The following SRBD1 variants were observed in gnomAD, a reference collection of about 807,000 sequenced individuals.
The protein encoded by SRBD1 is S1 RNA binding domain 1, also known as S1 RNA-binding domain-containing protein 1.
Under a neutral mutation model 115.3 loss-of-function variants are expected in SRBD1, and 88 were observed. That is an observed-to-expected ratio of 0.76 (90% CI 0.64 to 0.91). The LOEUF is 0.91. Ranked by LOEUF, SRBD1 falls within the 40% of genes least tolerant of loss-of-function variation. SRBD1 has a pLI of 0.00. For synonymous variants in SRBD1, 509 were observed against 407.7 expected, an observed-to-expected ratio of 1.25 and a Z score of -2.99; for missense variants, 1,385 against 1,177.4, an observed-to-expected ratio of 1.18 and a Z score of -2.58.
In SRBD1 at chr2:45,540,953, A is replaced by G. The variant is rs1309253651; in HGVS notation, c.1874+5779T>C. Among the ~76,000 whole-genome samples the G allele has an allele frequency of 3.3e-5, 5 of 152,228 alleles. No individual in the cohort carries two copies. In the East Asian group the frequency reaches 9.6e-4, roughly 29 times the overall value. On this transcript the variant is annotated intron_variant, in intron 14 of 20. Transcript: ENST00000263736. The stretch of plus-strand genomic sequence containing the variant: ...CTTAGGGTGTCACTTTTCCAGCCAG[A>G]CACCTCTGTGGCCAGTGGTGCCTTT...
intron 14 of SRBD1, among the ~76,000 whole-genome samples, chr2:45,516,006 T>C (rs1052583258): frequency 5.9e-5 from 9 of 152,294 alleles, no homozygotes; most frequent in Admixed American, 3.9e-4. Flanking sequence ...GTGTTACCTA[T>C]GTTTTTCTTC....
At position 45,605,408 on chromosome 2, in the gene SRBD1, C is replaced by G; in HGVS notation, c.34G>C (p.Val12Leu). 2.5e-6 allele frequency: 4 copies of G among 1,613,774 alleles called. No individual in the cohort carries two copies. The highest frequency in any genetic ancestry group is 3.4e-6 in the Non-Finnish European group (4 of 1,179,976). ...SSLPRRAKVQ[V>L]QDVVLKDEFS... The stretch of plus-strand genomic sequence containing the variant: ...TCATCTTTCAGTACCACATCCTGGA[C>G]CTGTACTTTCGCTCTTCTTGGCAAT... Residue 12 changes from valine to leucine, a missense_variant, in exon 2 of 21, where the codon GTC (valine) becomes CTC (leucine). Physicochemically the swap from Val to Leu is conservative, Grantham distance 32. Transcript: ENST00000263736.
chr2:45,439,266 T>C (rs1668589253), intron 16 of SRBD1, among the ~76,000 whole-genome samples: 1 of 151,780 alleles, frequency 6.6e-6, no homozygotes, highest in Admixed American at 6.6e-5. Flanking sequence ...AGCTGGAAAA[T>C]ATATGGGTAA....
At chr2:45,516,457 T>C (rs145787798) in intron 14 of SRBD1, among the ~76,000 whole-genome samples, 116 of 152,288 alleles carry the variant, frequency 7.6e-4, no homozygotes, top group Middle Eastern at 3.4e-3. Context: ...TACTTGTCTG[T>C]AACACATTAA....
intron 12 of SRBD1, among the ~76,000 whole-genome samples, chr2:45,550,867 A>C (rs1379701457): frequency 5.3e-5 from 8 of 152,234 alleles, no homozygotes; most frequent in South Asian, 2.1e-4. Flanking sequence ...ATAGAGTTCA[A>C]GTCCGAGCCT....
intron 16 of SRBD1, among the ~76,000 whole-genome samples, chr2:45,473,306 A>C (rs1230044824): frequency 6.6e-6 from 1 of 152,038 alleles, no homozygotes; most frequent in East Asian, 1.9e-4. Flanking sequence ...ACTTTTTATC[A>C]TTTCTTTTTC....
chr2:45,428,940 C>T (rs1001435446), intron 16 of SRBD1, among the ~76,000 whole-genome samples: 10 of 152,142 alleles, frequency 6.6e-5, no homozygotes, highest in Non-Finnish European at 1.3e-4. Context: ...ATCAAACAGA[C>T]ATAATAAAAA....
At chr2:45,428,037 C>T (rs796360123) in intron 16 of SRBD1, among the ~76,000 whole-genome samples, 7 of 152,300 alleles carry the variant, frequency 4.6e-5, no homozygotes, top group African/African-American at 1.7e-4. Context: ...TACAAATCAA[C>T]AGAATATACA....
intron 14 of SRBD1, among the ~76,000 whole-genome samples, chr2:45,537,869 G>GT (rs1210806036): frequency 6.6e-6 from 1 of 152,190 alleles, no homozygotes; most frequent in Non-Finnish European, 1.5e-5. Context: ...GCACAGAAAA[G>GT]TACAAGAGGA....
intron 14 of SRBD1, among the ~76,000 whole-genome samples, chr2:45,501,966 G>T (rs1284440693): frequency 6.6e-6 from 1 of 152,190 alleles, no homozygotes; most frequent in Non-Finnish European, 1.5e-5. Context: ...TGGAGTTTGA[G>T]ATCTGAGAAC....
intron 9 of SRBD1, among the ~76,000 whole-genome samples, chr2:45,571,721 T>C (rs1486508827): frequency 1.3e-5 from 2 of 151,562 alleles, no homozygotes; most frequent in Non-Finnish European, 2.9e-5. Context: ...AAATAGAAAT[T>C]ACGGAGCTGA....
chr2:45,491,000 T>A (rs539054325), intron 14 of SRBD1, among the ~76,000 whole-genome samples: 2 of 152,280 alleles, frequency 1.3e-5, no homozygotes, highest in South Asian at 4.1e-4. Flanking sequence ...AACCTCAACA[T>A]TGATTACTTC....
chr2:45,591,845 A>G (rs1351428039), intron 4 of SRBD1, among the ~76,000 whole-genome samples: 1 of 152,196 alleles, frequency 6.6e-6, no homozygotes, highest in East Asian at 1.9e-4. Flanking sequence ...CTGAATGCAG[A>G]CACCAGGGAG....
At chr2:45,574,813 G>C (rs1484633000) in intron 7 of SRBD1, 90 bp from the exon 8 acceptor site, 1 of 1,146,154 alleles carries the variant, frequency 8.7e-7, no homozygotes, top group African/African-American at 1.6e-5. Flanking sequence ...ATTAATTCCA[G>C]TCAAAATAAA....
intron 19 of SRBD1, among the ~76,000 whole-genome samples, chr2:45,401,437 C>T (rs902591443): frequency 6.6e-6 from 1 of 152,160 alleles, no homozygotes; most frequent in African/African-American, 2.4e-5. Flanking sequence ...CTAATTGATA[C>T]ACATCTTACA....
At chr2:45,399,508 A>G (rs892237278) in intron 19 of SRBD1, among the ~76,000 whole-genome samples, 4 of 152,164 alleles carry the variant, frequency 2.6e-5, no homozygotes, top group Non-Finnish European at 5.9e-5. Context: ...TGCTGATAAG[A>G]AAACAAAATC....
At chr2:45,411,368 T>G (rs773749986) in intron 19 of SRBD1, among the ~76,000 whole-genome samples, 2 of 152,218 alleles carry the variant, frequency 1.3e-5, no homozygotes, top group African/African-American at 4.8e-5. Context: ...CTGTGGTATA[T>G]TCACACAATG....
chr2:45,514,615 C>T (rs753607182), intron 14 of SRBD1, among the ~76,000 whole-genome samples: 2 of 152,042 alleles, frequency 1.3e-5, no homozygotes, highest in African/African-American at 4.8e-5. Context: ...TGAAAACAAA[C>T]GTGTCACACT....
intron 16 of SRBD1, among the ~76,000 whole-genome samples, chr2:45,437,064 A>G (rs113309079): frequency 0.017 from 2,609 of 152,306 alleles, 67 homozygotes; most frequent in African/African-American, 0.059. Context: ...TAAGATATGT[A>G]TAAGATCTAT....
Sources: allele counts gnomAD v4.1 joint callset (sites outside exome capture counted in the v4.1 genomes callset), GRCh38; gene constraint gnomAD v4.1.1; transcripts MANE v1.5; gene names NCBI Gene and HGNC (gene_info 2026-07-23, HGNC 2026-07-21).